EYS: variants seen among roughly 807,000 people sequenced by gnomAD.
EYS encodes EGF-like photoreceptor maintenance factor.
In EYS, 250 loss-of-function variants were observed where a neutral mutation model predicts 282.1. The ratio of observed to expected loss-of-function variants is 0.89; its 90% CI spans 0.80 to 0.98. The LOEUF is 0.98. EYS is among the 50% of genes least tolerant of loss of function. The probability of loss-of-function intolerance (pLI) is 0.00; values close to 1 mark genes in which losing one functional copy is unlikely to be tolerated. For synonymous variants in EYS, 1,355 were observed against 1,282.9 expected (o/e 1.06, Z -1.20); for missense variants, 4,016 against 3,709.0 (o/e 1.08, Z -2.15).
At chr6:64,896,190 G>A (rs9445433) in intron 18 of EYS, among the ~76,000 whole-genome samples, 81,142 of 151,934 alleles carry the variant, frequency 0.53, 22,538 homozygotes, top group Non-Finnish European at 0.6. Context: ...CCAGAGAGAC[G>A]AACGCAGAAG....
intron 31 of EYS, among the ~76,000 whole-genome samples, chr6:64,096,903 A>G (rs1033995321): frequency 7.9e-5 from 12 of 152,002 alleles, no homozygotes; most frequent in Admixed American, 3.9e-4. Flanking sequence ...TTGGTGTTTG[A>G]TGATGGTGAC....
chr6:64,216,933 T>C (rs1323475574), intron 31 of EYS, among the ~76,000 whole-genome samples: 1 of 152,200 alleles, frequency 6.6e-6, no homozygotes, highest in Admixed American at 6.5e-5. Context: ...GGGCTGAGAC[T>C]AAATTCCCTA....
chr6:65,609,606 C>A (rs1765922866), intron 2 of EYS, among the ~76,000 whole-genome samples: 2 of 152,092 alleles, frequency 1.3e-5, no homozygotes, highest in South Asian at 4.1e-4. Context: ...TGAATTGCCA[C>A]CTGGCAGTGT....
intron 5 of EYS, among the ~76,000 whole-genome samples, chr6:65,430,301 C>A (rs568452971): frequency 1.3e-5 from 2 of 152,008 alleles, no homozygotes; most frequent in African/African-American, 4.8e-5. Flanking sequence ...AAAACCAGAC[C>A]GAACACCGAA....
At position 64,591,301 on chromosome 6, in the gene EYS, A is replaced by C; in HGVS notation, c.4566T>G (p.Asn1522Lys). 6.4e-7 allele frequency: 1 copy of C among 1,551,350 alleles called. No homozygotes were observed. The highest frequency in any genetic ancestry group is 8.7e-7 in the Non-Finnish European group (1 of 1,146,788). ...CAGTAATAGCCTGATATTCACTGGG[A>C]TTGAAGGCTTTTGTACTGAACCGGT... Reference protein sequence around the residue: ...ALHRFSTKAFNPSEYQAITEA... With the variant: ...ALHRFSTKAFKPSEYQAITEA... Residue 1522 changes from asparagine (N) to lysine (K), a missense_variant, in exon 26 of 43, where the codon AAT (asparagine) becomes AAG (lysine). Asn to Lys is a moderately conservative substitution (Grantham distance 94, BLOSUM62 0). Transcript: ENST00000503581.
intron 24 of EYS, among the ~76,000 whole-genome samples, chr6:64,604,136 T>C (rs1401510419): frequency 3.9e-5 from 6 of 151,994 alleles, no homozygotes; most frequent in African/African-American, 1.4e-4. Flanking sequence ...ATAATTCATC[T>C]ATAATGGCTC....
At chr6:64,078,516 T>C (rs1356178670) in intron 32 of EYS, among the ~76,000 whole-genome samples, 2 of 152,058 alleles carry the variant, frequency 1.3e-5, no homozygotes, top group African/African-American at 4.8e-5. Context: ...GGAAACATTC[T>C]GCTGAGGTAT....
At chr6:64,476,534 T>C (rs535397893) in intron 26 of EYS, among the ~76,000 whole-genome samples, 1 of 151,988 alleles carries the variant, frequency 6.6e-6, no homozygotes, top group South Asian at 2.1e-4. Context: ...ATATAGAAAA[T>C]ATTTTTTTTC....
intron 5 of EYS, among the ~76,000 whole-genome samples, chr6:65,480,721 G>C (rs1447755729): frequency 1.3e-5 from 2 of 152,068 alleles, no homozygotes; most frequent in Non-Finnish European, 2.9e-5. Flanking sequence ...TGTCCATCAA[G>C]AGATGCCTGG....
At chr6:64,553,555 C>CCCG (rs1554177869) in intron 26 of EYS, among the ~76,000 whole-genome samples, 1 of 137,934 alleles carries the variant, frequency 7.2e-6, no homozygotes, top group Admixed American at 7.5e-5. Flanking sequence ...ACCCCCCCCC[C>CCCG]CCCATAGGCA....
intron 10 of EYS, among the ~76,000 whole-genome samples, chr6:65,342,989 A>G (rs1451541204): frequency 6.0e-5 from 9 of 151,208 alleles, no homozygotes; most frequent in Non-Finnish European, 1.3e-4. Flanking sequence ...AGTCTTAAAG[A>G]TAAAGCTGTA....
chr6:64,715,357 C>G (rs1370658027), intron 22 of EYS, among the ~76,000 whole-genome samples: 4 of 152,026 alleles, frequency 2.6e-5, no homozygotes, highest in Non-Finnish European at 5.9e-5. Context: ...CCGTGCTTCA[C>G]AAAGATAGCA....
chr6:65,500,682 T>C (rs886089235), intron 2 of EYS, among the ~76,000 whole-genome samples: 46 of 152,174 alleles, frequency 3.0e-4, no homozygotes, highest in African/African-American at 1.1e-3. Context: ...ACTCTACAAG[T>C]GCCTTCACAT....
At chr6:64,828,996 C>A (rs563803162) in intron 19 of EYS, among the ~76,000 whole-genome samples, 1 of 152,044 alleles carries the variant, frequency 6.6e-6, no homozygotes, top group South Asian at 2.1e-4. Context: ...GATCTTCAGT[C>A]CCATGATGTG....
At chr6:64,872,765 C>G (rs1484994584) in intron 19 of EYS, among the ~76,000 whole-genome samples, 3 of 151,948 alleles carry the variant, frequency 2.0e-5, no homozygotes, top group Non-Finnish European at 4.4e-5. Context: ...GGAACATAAA[C>G]AGCATGAGTC....
chr6:64,395,085 C>A (rs1269844125), intron 28 of EYS, among the ~76,000 whole-genome samples: 5 of 152,086 alleles, frequency 3.3e-5, no homozygotes, highest in African/African-American at 1.2e-4. Flanking sequence ...TGATGCGATA[C>A]CATCTCACAC....
chr6:65,442,612 G>A (rs1408022269), intron 5 of EYS, among the ~76,000 whole-genome samples: 1 of 151,682 alleles, frequency 6.6e-6, no homozygotes, highest in Non-Finnish European at 1.5e-5. Context: ...AAATTAGCAG[G>A]GCTTAGTGGA....
intron 35 of EYS, among the ~76,000 whole-genome samples, chr6:63,949,888 T>C (rs1438196526): frequency 6.6e-6 from 1 of 152,098 alleles, no homozygotes; most frequent in Non-Finnish European, 1.5e-5. Flanking sequence ...AAAATCTGCT[T>C]TTTGGCCAGG....
chr6:64,931,802 T>G (rs564827465), intron 15 of EYS, among the ~76,000 whole-genome samples: 8 of 152,146 alleles, frequency 5.3e-5, no homozygotes, highest in Non-Finnish European at 2.9e-5. Context: ...GCAAATGTAA[T>G]GTAAACTTAC....
Sources: allele counts gnomAD v4.1 joint callset (sites outside exome capture counted in the v4.1 genomes callset), GRCh38; gene constraint gnomAD v4.1.1; transcripts MANE v1.5; gene names NCBI Gene and HGNC (gene_info 2026-07-23, HGNC 2026-07-21).